Variants in LRRFIP1 observed in about 807,000 individuals in gnomAD.
LRRFIP1 encodes leucine-rich repeat flightless-interacting protein 1.
A neutral mutation model predicts 104.4 loss-of-function variants in LRRFIP1; 62 were observed. That is an observed-to-expected ratio of 0.59 (90% CI 0.48 to 0.73). The LOEUF is 0.73. LRRFIP1 is among the 30% of genes least tolerant of loss of function. LRRFIP1 has a pLI of 0.00. For missense variants in LRRFIP1, 796 were observed against 824.5 expected (o/e 0.97, Z 0.42); for synonymous variants, 300 against 299.0 (o/e 1.00, Z -0.03).
At chr2:237,666,136 G>A (rs2089196582) in intron 1 of LRRFIP1, among the ~76,000 whole-genome samples, 1 of 152,190 alleles carries the variant, frequency 6.6e-6, no homozygotes, top group African/African-American at 2.4e-5. Flanking sequence ...TCTAATACGT[G>A]GGCTTGTTTT....
intron 10 of LRRFIP1, among the ~76,000 whole-genome samples, chr2:237,736,665 G>A (rs755476005): frequency 5.3e-5 from 8 of 152,180 alleles, no homozygotes; most frequent in Non-Finnish European, 1.2e-4. Flanking sequence ...AGTGATTTCT[G>A]TGCTTTTAGC....
At chr2:237,716,373 C>G (rs1195541645) in intron 3 of LRRFIP1, among the ~76,000 whole-genome samples, 5 of 152,038 alleles carry the variant, frequency 3.3e-5, no homozygotes, top group Non-Finnish European at 2.9e-5. Flanking sequence ...GGCTCATGTC[C>G]TTTTTGTCTT....
intron 1 of LRRFIP1, among the ~76,000 whole-genome samples, chr2:237,665,152 CTT>C (rs2088956633): frequency 6.6e-6 from 1 of 151,954 alleles, no homozygotes; most frequent in Admixed American, 6.6e-5. Context: ...ACTTCATTAA[CTT>C]ATGTTTTTTA....
chr2:237,731,776 GAAAT>G (rs1325780581), intron 8 of LRRFIP1, among the ~76,000 whole-genome samples: 1 of 152,142 alleles, frequency 6.6e-6, no homozygotes, highest in Non-Finnish European at 1.5e-5. Context: ...CCATTTAAGA[GAAAT>G]AACCCACATC....
intron 6 of LRRFIP1, among the ~76,000 whole-genome samples, chr2:237,722,997 A>G (rs1024375334): frequency 6.6e-6 from 1 of 152,072 alleles, no homozygotes; most frequent in Non-Finnish European, 1.5e-5. Context: ...TACATTTTTG[A>G]TTGTAAGATC....
At chr2:237,650,309 C>T (rs983515043) in intron 1 of LRRFIP1, among the ~76,000 whole-genome samples, 1 of 151,696 alleles carries the variant, frequency 6.6e-6, no homozygotes, top group Non-Finnish European at 1.5e-5. Context: ...CAGAGAGATC[C>T]GAAGGAAGAG....
At chr2:237,628,102 G>A (rs939299439) in intron 1 of LRRFIP1, among the ~76,000 whole-genome samples, 10 of 152,186 alleles carry the variant, frequency 6.6e-5, no homozygotes, top group African/African-American at 2.4e-4. Context: ...GCCCCGCTTT[G>A]TTGTGCGGCA....
At chr2:237,628,435 CTTT>C (rs35206141) in intron 1 of LRRFIP1, among the ~76,000 whole-genome samples, 1 of 149,858 alleles carries the variant, frequency 6.7e-6, no homozygotes, top group African/African-American at 2.4e-5. Context: ...GTACAAATGC[CTTT>C]TTTTTTTTCC....
At chr2:237,701,844 A>G (rs1575608680) in intron 1 of LRRFIP1, among the ~76,000 whole-genome samples, 2 of 151,962 alleles carry the variant, frequency 1.3e-5, no homozygotes, top group Non-Finnish European at 2.9e-5. Flanking sequence ...GTGGCTCGGG[A>G]TGGGGATGGT....
At chr2:237,725,551 T>C (rs2150244906) in intron 7 of LRRFIP1, among the ~76,000 whole-genome samples, 1 of 152,254 alleles carries the variant, frequency 6.6e-6, no homozygotes, top group African/African-American at 2.4e-5. Flanking sequence ...GTTAGCAGTG[T>C]TCTTTAAGAA....
chr2:237,774,064 C>T, intron 22 of LRRFIP1: 1 of 359,552 alleles, frequency 2.8e-6, no homozygotes, highest in Non-Finnish European at 5.2e-6. Context: ...ACAGAACAGC[C>T]CCACGCAGCG....
chr2:237,633,222 C>T (rs2082641447), intron 1 of LRRFIP1, among the ~76,000 whole-genome samples: 1 of 152,204 alleles, frequency 6.6e-6, no homozygotes, highest in Admixed American at 6.5e-5. Flanking sequence ...AGATCGTCTA[C>T]AAGGTTTTAG....
intron 1 of LRRFIP1, among the ~76,000 whole-genome samples, chr2:237,659,598 TTATAA>T (rs951394465): frequency 1.3e-5 from 2 of 148,234 alleles, no homozygotes; most frequent in African/African-American, 4.9e-5. Context: ...TTATATATGT[TTATAA>T]TATATTTATA....
At chr2:237,742,243 T>TAAG (rs578052715) in intron 11 of LRRFIP1, among the ~76,000 whole-genome samples, 2 of 152,294 alleles carry the variant, frequency 1.3e-5, no homozygotes, top group South Asian at 4.1e-4. Flanking sequence ...GTGGGTGATC[T>TAAG]CCTTGTATCT....
At chr2:237,685,966 C>G (rs929422869) in intron 1 of LRRFIP1, among the ~76,000 whole-genome samples, 5 of 152,190 alleles carry the variant, frequency 3.3e-5, no homozygotes, top group African/African-American at 1.2e-4. Flanking sequence ...TAAAGTCTTT[C>G]CTGACCTTGC....
In LRRFIP1 at chr2:237,636,346, TC is replaced by T. The variant is rs138103545; in HGVS notation, c.96+8607del. ...AAAGAAGTAATTTTTCATTTTCCTTTCTTTTCTTTTTTTTTTTTTTTTGTCT... is the reference window on the plus strand; with the variant it reads ...AAAGAAGTAATTTTTCATTTTCCTTTTTTTCTTTTTTTTTTTTTTTTGTCT... On this transcript the variant is annotated intron_variant, in intron 1 of 23. Transcript: ENST00000308482. Among the ~76,000 whole-genome samples the T allele has an allele frequency of 5.3e-3, 765 of 144,072 alleles. 4 individuals carry two copies. The highest frequency in any genetic ancestry group is 7.8e-3 in the Non-Finnish European group (522 of 66,602). The allele number at this position is 144,072 out of a possible 152,430, so 94.5% of individuals were successfully genotyped here. A position where few individuals can be genotyped will look rare whatever the true frequency, so the allele number is the denominator to read the frequency against.
chr2:237,769,021 TG>T (rs1286274543), intron 19 of LRRFIP1: 1 of 152,250 alleles, frequency 6.6e-6, no homozygotes, highest in African/African-American at 2.4e-5. Context: ...TGAAGAAACT[TG>T]CTTAGTGGTT....
Position 237,717,645 on chromosome 2 carries a change from A to G in LRRFIP1, c.202-117A>G, listed in dbSNP as rs1404314757. 20 of 836,298 alleles carry G rather than the reference A, an allele frequency of 2.4e-5. No individual in the cohort carries two copies. The highest frequency in any genetic ancestry group is 4.0e-5 in the Non-Finnish European group (19 of 473,562). 51.8% of individuals were successfully genotyped at this position (836,298 alleles called of 1,614,324 possible). On this transcript the variant is annotated intron_variant, in intron 3 of 23. Transcript: ENST00000308482. This position sits in a 1 kb window ranked among gnomAD's most constrained non-coding sequence, Gnocchi z 4.2. ...GCCGACTGCTTTGCCTTGGCGTGTT[A>G]CCTTCACCACACGGCTGGATGGCGG...
chr2:237,709,855 ATTT>A (rs112212389), intron 2 of LRRFIP1, among the ~76,000 whole-genome samples: 1 of 144,650 alleles, frequency 6.9e-6, no homozygotes. Context: ...TATATGTATA[ATTT>A]TTTTTTTTTT....
Sources: gnomAD v4.1 joint callset for allele counts (sites outside exome capture counted in the v4.1 genomes callset) on GRCh38, gnomAD v4.1.1 for gene constraint, Gnocchi (gnomAD v3.1) non-coding constraint, MANE v1.5 for transcripts, NCBI Gene and HGNC (gene_info 2026-07-23, HGNC 2026-07-21) for gene names.